Variants in RAB38 observed in about 807,000 individuals in gnomAD.
RAB38 encodes ras-related protein Rab-38.
Under a neutral mutation model 18.4 loss-of-function variants are expected in RAB38, and 15 were observed. That is an observed-to-expected ratio of 0.82 (90% CI 0.55 to 1.26). The LOEUF is 1.26. Among genes scored for constraint, RAB38 ranks in the 50% most tolerant of loss-of-function variants. The pLI is 0.00. For synonymous variants in RAB38, 101 were observed against 104.4 expected (o/e 0.97, Z 0.20); for missense variants, 294 against 267.4 (o/e 1.10, Z -0.69).
chr11:87,880,521 TG>T, the RAB38 span, among the ~76,000 whole-genome samples: 2 of 151,774 alleles, frequency 1.3e-5, no homozygotes, highest in African/African-American at 2.4e-5. Flanking sequence ...ACTGAAATTG[TG>T]GGGTTTGTTT....
the RAB38 span, among the ~76,000 whole-genome samples, chr11:87,886,116 G>C: frequency 4.0e-5 from 6 of 151,798 alleles, no homozygotes; most frequent in Non-Finnish European, 7.4e-5. Flanking sequence ...TTCTTTGTTC[G>C]ATCACCAATA....
the RAB38 span, among the ~76,000 whole-genome samples, chr11:88,023,716 A>C: frequency 6.6e-6 from 1 of 152,130 alleles, no homozygotes; most frequent in Admixed American, 6.5e-5. Context: ...AAAGGAACAG[A>C]ATAGAGAACC....
the RAB38 span, among the ~76,000 whole-genome samples, chr11:87,973,715 G>A: frequency 4.2e-5 from 6 of 142,896 alleles, no homozygotes; most frequent in Non-Finnish European, 8.0e-5. Flanking sequence ...ATGAGACCCT[G>A]TGAATCCCAA....
the RAB38 span, among the ~76,000 whole-genome samples, chr11:87,878,553 G>A: frequency 1.3e-5 from 2 of 151,474 alleles, no homozygotes; most frequent in African/African-American, 4.8e-5. Flanking sequence ...TCATCCCAAG[G>A]CAATGTTGAG....
At chr11:88,105,175 A>C in the RAB38 span, among the ~76,000 whole-genome samples, 1 of 151,608 alleles carries the variant, frequency 6.6e-6, no homozygotes, top group Admixed American at 6.6e-5. Context: ...CCTCTATTAC[A>C]CCTTCCTCTA....
In RAB38 at chr11:88,149,777, G is replaced by A. The variant is rs1943040586; in HGVS notation, c.381C>T (p.Asn127=). 1 of 1,614,100 alleles carries A rather than the reference G, an allele frequency of 6.2e-7. No homozygotes were observed. The highest frequency in any genetic ancestry group is 8.5e-7 in the Non-Finnish European group (1 of 1,180,000). The change falls in exon 2 of 3, where the codon AAC becomes AAT. Residue 127 remains asparagine, a synonymous_variant. Coordinates refer to ENST00000243662, the MANE Select transcript of RAB38 (RefSeq NM_022337.3). ...GKPVSVVLLA[N]KCDQGKDVLM... is the part of the protein sequence containing the mutation. ...GCACATCCTTCCCCTGGTCACATTT[G>A]TTGGCCAACAAAACCACTGAAACCG... is the stretch of plus-strand genomic sequence containing the variant.
chr11:87,974,971 G>A, the RAB38 span, among the ~76,000 whole-genome samples: 1 of 151,856 alleles, frequency 6.6e-6, no homozygotes, highest in Non-Finnish European at 1.5e-5. Flanking sequence ...CTCAAACCAA[G>A]GTGTTGGCAG....
the RAB38 span, among the ~76,000 whole-genome samples, chr11:88,085,298 C>T: frequency 6.6e-6 from 1 of 151,846 alleles, no homozygotes. Flanking sequence ...GGCAAGGAAG[C>T]TCAAGAAGTT....
chr11:87,869,015 C>T, the RAB38 span, among the ~76,000 whole-genome samples: 5 of 151,722 alleles, frequency 3.3e-5, no homozygotes, highest in Non-Finnish European at 7.4e-5. Flanking sequence ...ACTGCCGTGA[C>T]TTTCTAGCTG....
the RAB38 span, among the ~76,000 whole-genome samples, chr11:87,973,580 G>C: frequency 2.7e-5 from 4 of 146,716 alleles, no homozygotes; most frequent in East Asian, 1.9e-4. Context: ...TTAGTGAAGA[G>C]AGCTTCTGAA....
At chr11:88,077,028 G>GAAAAGAAAAGAAAAGA in the RAB38 span, among the ~76,000 whole-genome samples, 75 of 93,964 alleles carry the variant, frequency 8.0e-4, no homozygotes, top group South Asian at 2.7e-3. Flanking sequence ...GAAAAGAAAA[G>GAAAAGAAAAGAAAAGA]AAAGAAAGCA....
the RAB38 span, among the ~76,000 whole-genome samples, chr11:87,874,005 G>T: frequency 6.9e-6 from 1 of 144,184 alleles, no homozygotes; most frequent in South Asian, 2.2e-4. Flanking sequence ...TCAATCTGTG[G>T]TTTCCCTTTT....
At chr11:88,023,699 A>G in the RAB38 span, among the ~76,000 whole-genome samples, 2 of 152,320 alleles carry the variant, frequency 1.3e-5, no homozygotes, top group Admixed American at 1.3e-4. Context: ...AAACAGACCC[A>G]TAGACCAAAG....
the RAB38 span, among the ~76,000 whole-genome samples, chr11:87,843,744 A>C: frequency 1.3e-5 from 2 of 152,228 alleles, no homozygotes; most frequent in Admixed American, 6.5e-5. Context: ...AAAATATTTT[A>C]GTAACTGCAA....
chr11:87,818,289 A>G, the RAB38 span, among the ~76,000 whole-genome samples: 1 of 152,202 alleles, frequency 6.6e-6, no homozygotes, highest in Admixed American at 6.5e-5. Context: ...ATATTCCTCA[A>G]ACTAGTATGC....
At chr11:87,843,416 A>T in the RAB38 span, among the ~76,000 whole-genome samples, 2 of 152,180 alleles carry the variant, frequency 1.3e-5, no homozygotes, top group Non-Finnish European at 2.9e-5. Context: ...GATAATCAGG[A>T]ACCATGTGTT....
At chr11:88,033,076 A>G in the RAB38 span, among the ~76,000 whole-genome samples, 1 of 152,184 alleles carries the variant, frequency 6.6e-6, no homozygotes, top group Admixed American at 6.5e-5. Context: ...TGTCCTTTGT[A>G]GGGACATCGA....
the RAB38 span, among the ~76,000 whole-genome samples, chr11:88,006,858 T>TGA: frequency 1.3e-5 from 2 of 150,640 alleles, no homozygotes; most frequent in African/African-American, 4.9e-5. Flanking sequence ...AGGGTTAGGG[T>TGA]GAGGGTGGGT....
chr11:87,920,143 T>G, the RAB38 span, among the ~76,000 whole-genome samples: 7,961 of 151,980 alleles, frequency 0.052, 300 homozygotes, highest in Middle Eastern at 0.075. Context: ...GTATTTTATT[T>G]ATTTCTGCTC....
Sources: gnomAD v4.1 joint callset for allele counts (sites outside exome capture counted in the v4.1 genomes callset) on GRCh38, gnomAD v4.1.1 for gene constraint, MANE v1.5 for transcripts, NCBI Gene and HGNC (gene_info 2026-07-23, HGNC 2026-07-21) for gene names.